Variants in TMTC2 observed in about 807,000 individuals in gnomAD.
TMTC2 encodes the protein transmembrane O-mannosyltransferase targeting cadherins 2.
TMTC2 carries 43 observed loss-of-function variants against 82.4 expected under a neutral mutation model. The ratio of observed to expected loss-of-function variants is 0.52; its 90% CI spans 0.41 to 0.67. TMTC2 has a LOEUF of 0.67. Among genes scored for constraint, TMTC2 ranks in the 30% least tolerant of loss-of-function variants. The pLI, the probability that TMTC2 is intolerant of heterozygous loss-of-function variation, is 0.00. For missense variants in TMTC2, 919 were observed against 1,012.4 expected (o/e 0.91, Z 1.25); for synonymous variants, 408 against 381.9 (o/e 1.07, Z -0.80).
At chr12:82,689,078 A>T (rs1054305601) in intron 1 of TMTC2, among the ~76,000 whole-genome samples, 1 of 152,238 alleles carries the variant, frequency 6.6e-6, no homozygotes, top group Admixed American at 6.5e-5. Context: ...TAGCAACTAC[A>T]CAGCATGCTC....
intron 1 of TMTC2, among the ~76,000 whole-genome samples, chr12:82,745,227 A>G (rs976833987): frequency 6.6e-6 from 1 of 152,058 alleles, no homozygotes; most frequent in Non-Finnish European, 1.5e-5. Context: ...GCAGTTCAGG[A>G]CGTACATCAC....
At chr12:83,131,335 T>G (rs545735397) in intron 11 of TMTC2, among the ~76,000 whole-genome samples, 1 of 152,350 alleles carries the variant, frequency 6.6e-6, no homozygotes, top group African/African-American at 2.4e-5. Flanking sequence ...TGTTAACTAA[T>G]GTCTGAGAAT....
chr12:83,071,145 AGTT>A (rs1313319489), intron 11 of TMTC2, among the ~76,000 whole-genome samples: 10 of 141,334 alleles, frequency 7.1e-5, no homozygotes, highest in Non-Finnish European at 1.4e-4. Context: ...ATTGGTCTGT[AGTT>A]GTTTTTTTTT....
intron 1 of TMTC2, among the ~76,000 whole-genome samples, chr12:82,846,634 G>A (rs538949036): frequency 6.6e-6 from 1 of 152,112 alleles, no homozygotes; most frequent in African/African-American, 2.4e-5. Flanking sequence ...GGATGGAAGC[G>A]GGATCCACTA....
intron 4 of TMTC2, among the ~76,000 whole-genome samples, chr12:82,954,616 G>A (rs895984712): frequency 2.0e-5 from 3 of 152,160 alleles, no homozygotes; most frequent in Non-Finnish European, 4.4e-5. Flanking sequence ...GTGTTGCAGG[G>A]ACATCAGCTG....
chr12:83,064,483 GTAAA>G (rs1046520201), intron 11 of TMTC2, among the ~76,000 whole-genome samples: 1 of 151,866 alleles, frequency 6.6e-6, no homozygotes, highest in Non-Finnish European at 1.5e-5. Flanking sequence ...ATATTTAACA[GTAAA>G]TAAATGATGT....
intron 9 of TMTC2, among the ~76,000 whole-genome samples, chr12:83,047,801 A>G (rs1173326912): frequency 6.6e-6 from 1 of 152,268 alleles, no homozygotes; most frequent in Non-Finnish European, 1.5e-5. Flanking sequence ...TTTAAAACAT[A>G]AAGAAATATT....
chr12:83,019,326 C>T (rs1213472806), intron 8 of TMTC2, among the ~76,000 whole-genome samples: 1 of 152,164 alleles, frequency 6.6e-6, no homozygotes, highest in Non-Finnish European at 1.5e-5. Context: ...CTATCCATTT[C>T]CTTACCCACC....
At chr12:82,776,998 A>T (rs903481071) in intron 1 of TMTC2, among the ~76,000 whole-genome samples, 4 of 152,130 alleles carry the variant, frequency 2.6e-5, no homozygotes, top group Non-Finnish European at 5.9e-5. Flanking sequence ...AAGCCAGCCA[A>T]CACACTTTGA....
intron 1 of TMTC2, among the ~76,000 whole-genome samples, chr12:82,696,070 T>C (rs974932677): frequency 3.3e-5 from 5 of 152,170 alleles, no homozygotes; most frequent in African/African-American, 1.2e-4. Flanking sequence ...TAATTAACTA[T>C]ACAACTGTTC....
chr12:83,029,985 G>T (rs1881359789), intron 8 of TMTC2, among the ~76,000 whole-genome samples: 1 of 152,192 alleles, frequency 6.6e-6, no homozygotes, highest in African/African-American at 2.4e-5. Flanking sequence ...TTAGTCCTGA[G>T]TGATTGCAGC....
chr12:83,061,116 T>C (rs1882724215), intron 10 of TMTC2, among the ~76,000 whole-genome samples: 1 of 151,780 alleles, frequency 6.6e-6, no homozygotes, highest in South Asian at 2.1e-4. Context: ...GCTTCTACCA[T>C]TGCGAATGAA....
chr12:82,960,693 C>A (rs879777176), intron 4 of TMTC2, among the ~76,000 whole-genome samples: 1 of 151,906 alleles, frequency 6.6e-6, no homozygotes, highest in Non-Finnish European at 1.5e-5. Context: ...GTACTATGCT[C>A]AGTACCTGGG....
chr12:83,043,783 A>T (rs1265118636), intron 9 of TMTC2, among the ~76,000 whole-genome samples: 2 of 152,216 alleles, frequency 1.3e-5, no homozygotes, highest in African/African-American at 4.8e-5. Context: ...CACAATATTA[A>T]TTTGGGGGGT....
intron 11 of TMTC2, among the ~76,000 whole-genome samples, chr12:83,069,386 A>G (rs796980503): frequency 3.3e-5 from 5 of 152,276 alleles, no homozygotes; most frequent in African/African-American, 9.6e-5. Flanking sequence ...GATTATGGCC[A>G]TTCTTGCAGG....
chr12:82,947,184 C>T (rs1877055024), intron 4 of TMTC2, among the ~76,000 whole-genome samples: 1 of 152,138 alleles, frequency 6.6e-6, no homozygotes, highest in Non-Finnish European at 1.5e-5. Context: ...AGTGTGTCCC[C>T]TGTACATTTG....
intron 3 of TMTC2, among the ~76,000 whole-genome samples, chr12:82,907,463 A>C (rs1238969563): frequency 6.6e-6 from 1 of 151,038 alleles, no homozygotes; most frequent in East Asian, 1.9e-4. Flanking sequence ...ACTCCTTCTC[A>C]ACTCCATCTC....
intron 4 of TMTC2, among the ~76,000 whole-genome samples, chr12:82,937,911 T>A (rs1398696447): frequency 1.7e-5 from 1 of 57,866 alleles, no homozygotes; most frequent in African/African-American, 4.6e-5. Context: ...TTCAAACCTT[T>A]TTTTTTTTTT....
chr12:82,964,876 C>T (rs1004492189), intron 4 of TMTC2, 148 bp from the exon 5 acceptor site: 10 of 491,838 alleles, frequency 2.0e-5, no homozygotes, highest in African/African-American at 1.6e-4. Context: ...GAATCATTTC[C>T]TTATATTTAG....
Sources: gnomAD v4.1 joint callset for allele counts (sites outside exome capture counted in the v4.1 genomes callset) on GRCh38, gnomAD v4.1.1 for gene constraint, MANE v1.5 for transcripts, NCBI Gene and HGNC (gene_info 2026-07-23, HGNC 2026-07-21) for gene names.